Variants in CEP128 observed in about 807,000 individuals in gnomAD.
The protein encoded by CEP128 is centrosomal protein 128.
In CEP128, 132 loss-of-function variants were observed where a neutral mutation model predicts 156.7. The ratio of observed to expected loss-of-function variants is 0.84; its 90% CI spans 0.73 to 0.97. The LOEUF is 0.97. Among genes scored for constraint, CEP128 ranks in the 50% least tolerant of loss-of-function variants. CEP128 has a pLI of 0.00. For missense variants in CEP128, 1,252 were observed against 1,281.9 expected (o/e 0.98, Z 0.36); for synonymous variants, 469 against 448.9 (o/e 1.04, Z -0.57).
At chr14:80,728,735 G>A (rs866532709) in intron 19 of CEP128, among the ~76,000 whole-genome samples, 1 of 152,088 alleles carries the variant, frequency 6.6e-6, no homozygotes, top group Non-Finnish European at 1.5e-5. Context: ...TTATGTCTCT[G>A]TCTGGATTAA....
intron 16 of CEP128, among the ~76,000 whole-genome samples, chr14:80,772,273 G>A (rs1261858770): frequency 6.6e-6 from 1 of 152,058 alleles, no homozygotes; most frequent in African/African-American, 2.4e-5. Flanking sequence ...AAAAGAAGAT[G>A]AACAGAAGGG....
chr14:80,781,455 C>CAAAAAA, intron 15 of CEP128, among the ~76,000 whole-genome samples: 1 of 90,502 alleles, frequency 1.1e-5, no homozygotes, highest in Non-Finnish European at 2.1e-5. Context: ...GACTCCGTCT[C>CAAAAAA]AAAAAAAAAA....
intron 4 of CEP128, among the ~76,000 whole-genome samples, chr14:80,912,208 T>C (rs995652513): frequency 3.4e-5 from 5 of 145,314 alleles, no homozygotes; most frequent in Non-Finnish European, 4.5e-5. Context: ...AGAGCGAGAC[T>C]CCACCTCAAA....
chr14:80,730,925 A>G (rs1898243438), intron 19 of CEP128, among the ~76,000 whole-genome samples: 1 of 152,190 alleles, frequency 6.6e-6, no homozygotes, highest in Admixed American at 6.6e-5. Flanking sequence ...GCTATTCAAA[A>G]AATTATAGGT....
At chr14:80,774,640 T>C (rs974385411) in intron 16 of CEP128, among the ~76,000 whole-genome samples, 68 of 150,376 alleles carry the variant, frequency 4.5e-4, no homozygotes, top group Non-Finnish European at 5.9e-5. Flanking sequence ...TGTGTGTATG[T>C]GTGTGTGTGT....
chr14:80,530,432 T>C (rs1045475814), intron 22 of CEP128, among the ~76,000 whole-genome samples: 7 of 152,204 alleles, frequency 4.6e-5, no homozygotes, highest in Non-Finnish European at 7.3e-5. Context: ...AACTACCATA[T>C]CTCTAAAACA....
intron 19 of CEP128, among the ~76,000 whole-genome samples, chr14:80,728,635 T>C (rs1898109975): frequency 6.6e-6 from 1 of 152,222 alleles, no homozygotes; most frequent in Non-Finnish European, 1.5e-5. Flanking sequence ...AATTTGAACC[T>C]GAGAAGTTGG....
chr14:80,557,909 A>T (rs1329492823), intron 21 of CEP128, among the ~76,000 whole-genome samples: 2 of 152,160 alleles, frequency 1.3e-5, no homozygotes, highest in Non-Finnish European at 2.9e-5. Context: ...TAGCCTTTTT[A>T]AATGTAAAAT....
intron 19 of CEP128, among the ~76,000 whole-genome samples, chr14:80,642,831 C>G (rs902595437): frequency 6.6e-6 from 1 of 151,868 alleles, no homozygotes; most frequent in Non-Finnish European, 1.5e-5. Context: ...CCTCAGCTCA[C>G]TACAACCTCA....
chr14:80,639,532 T>C (rs1219439375), intron 19 of CEP128, among the ~76,000 whole-genome samples: 1 of 152,206 alleles, frequency 6.6e-6, no homozygotes, highest in East Asian at 1.9e-4. Flanking sequence ...TAAAGTATTC[T>C]ATGACCTTCT....
intron 19 of CEP128, among the ~76,000 whole-genome samples, chr14:80,636,885 G>A (rs905552977): frequency 1.3e-5 from 2 of 151,970 alleles, no homozygotes; most frequent in Non-Finnish European, 2.9e-5. Context: ...TCGGGAGTTC[G>A]AGACCAGCCT....
At chr14:80,788,626 A>G (rs921570471) in intron 14 of CEP128, among the ~76,000 whole-genome samples, 1 of 152,032 alleles carries the variant, frequency 6.6e-6, no homozygotes, top group Non-Finnish European at 1.5e-5. Flanking sequence ...CACAGCATCA[A>G]TGCCCCTAAA....
rs376032093 is a variant in CEP128, at chr14:80,562,117, G to A, written c.2857-2815C>T. Reference sequence around the variant, plus strand: ...TAATTTTTTTATTTTTAGTAGAGACGGGGTTTCACCATGTTAGCCAGGATG... The same window carrying A: ...TAATTTTTTTATTTTTAGTAGAGACAGGGTTTCACCATGTTAGCCAGGATG... On this transcript the variant is annotated intron_variant, in intron 20 of 24. Coordinates refer to ENST00000555265, the MANE Select transcript of CEP128 (RefSeq NM_152446.5). Among the ~76,000 whole-genome samples, 101 of 151,608 alleles carry A rather than the reference G, an allele frequency of 6.7e-4. 1 individual carries two copies. The East Asian group carries it at 0.013, about 20-fold the overall frequency.
At chr14:80,783,765 C>T (rs1479652112) in intron 15 of CEP128, among the ~76,000 whole-genome samples, 2 of 152,138 alleles carry the variant, frequency 1.3e-5, no homozygotes, top group Admixed American at 1.3e-4. Flanking sequence ...GTTTCATAGG[C>T]AGGAGGCAGC....
chr14:80,523,345 A>C (rs1566755793), intron 23 of CEP128, among the ~76,000 whole-genome samples: 1 of 152,188 alleles, frequency 6.6e-6, no homozygotes, highest in African/African-American at 2.4e-5. Flanking sequence ...AAGACTCTTG[A>C]GCATCTTTCT....
At chr14:80,935,079 C>G (rs1446886496) in intron 2 of CEP128, among the ~76,000 whole-genome samples, 1 of 152,080 alleles carries the variant, frequency 6.6e-6, no homozygotes, top group Non-Finnish European at 1.5e-5. Flanking sequence ...AGTGGCAGAG[C>G]CAGGATTCAA....
At chr14:80,608,654 GCT>G (rs1566808708) in intron 19 of CEP128, among the ~76,000 whole-genome samples, 2 of 152,036 alleles carry the variant, frequency 1.3e-5, no homozygotes, top group African/African-American at 4.8e-5. Context: ...AATGTATCAT[GCT>G]CTCTTGAACC....
chr14:80,696,049 C>T (rs976626666), intron 19 of CEP128, among the ~76,000 whole-genome samples: 16 of 151,956 alleles, frequency 1.1e-4, no homozygotes, highest in Admixed American at 2.6e-4. Flanking sequence ...TCTGAACCTC[C>T]GTCCAGTAAT....
intron 19 of CEP128, among the ~76,000 whole-genome samples, chr14:80,619,377 C>A (rs868520749): frequency 6.7e-6 from 1 of 150,064 alleles, no homozygotes; most frequent in Non-Finnish European, 1.5e-5. Context: ...GACACACACA[C>A]ACACACACAC....
Sources: gnomAD v4.1 joint callset for allele counts (sites outside exome capture counted in the v4.1 genomes callset) on GRCh38, gnomAD v4.1.1 for gene constraint, MANE v1.5 for transcripts, NCBI Gene and HGNC (gene_info 2026-07-23, HGNC 2026-07-21) for gene names.